The following RIMKLB variants were observed in gnomAD, a reference collection of about 807,000 sequenced individuals.
RIMKLB encodes the protein beta-citrylglutamate synthase B.
A neutral mutation model predicts 32.0 loss-of-function variants in RIMKLB; 7 were observed. The observed-to-expected ratio is 0.22, with a 90% confidence interval of 0.12 to 0.41. The LOEUF is 0.41. Ranked by LOEUF, RIMKLB falls within the 10% of genes least tolerant of loss-of-function variation. The pLI is 1.00. For synonymous variants in RIMKLB, 172 were observed against 185.1 expected (o/e 0.93, Z 0.57); for missense variants, 289 against 498.7 (o/e 0.58, Z 4.00).
At position 8,753,895 on chromosome 12, in the gene RIMKLB, G is replaced by A; in HGVS notation, c.499G>A (p.Ala167Thr). The A allele has an allele frequency of 6.2e-7, 1 of 1,613,470 alleles. No individual in the cohort carries two copies. Among genetic ancestry groups the A allele is most frequent in the Non-Finnish European group, 8.5e-7 (1 of 1,179,458 alleles). ...VKNTRGHRGKAVFLARDKHHL... is the reference protein window; with the variant it reads ...VKNTRGHRGKTVFLARDKHHL... The stretch of plus-strand genomic sequence containing the variant: ...TTTATTCTTTTCAATCATAGGTAAA[G>A]CTGTTTTCTTGGCTCGAGATAAGCA... The change falls in exon 5 of 6, where the codon GCT becomes ACT. Residue 167 changes from alanine (A) to threonine (T), a missense_variant. Ala to Thr is a moderately conservative substitution (Grantham distance 58). Transcript: ENST00000535829.
chr12:8,732,335 A>G (rs569291333), intron 2 of RIMKLB, among the ~76,000 whole-genome samples: 14 of 152,114 alleles, frequency 9.2e-5, no homozygotes, highest in Non-Finnish European at 1.6e-4. Context: ...ATCCTAAGGA[A>G]TCAAATTACT....
At chr12:8,682,163 AAC>A (rs1454838087) in intron 1 of RIMKLB, among the ~76,000 whole-genome samples, 3 of 152,218 alleles carry the variant, frequency 2.0e-5, no homozygotes, top group East Asian at 1.9e-4. Context: ...TGCATTAAAA[AAC>A]ACATAAAATT....
At chr12:8,738,176 G>C (rs766415908) in intron 2 of RIMKLB, among the ~76,000 whole-genome samples, 1 of 152,134 alleles carries the variant, frequency 6.6e-6, no homozygotes, top group Admixed American at 6.5e-5. Context: ...TGAGTAGCTG[G>C]AACTACAGGC....
intron 1 of RIMKLB, 148 bp downstream of exon 1, chr12:8,698,445 G>A (rs759834104): frequency 2.6e-5 from 4 of 154,838 alleles, no homozygotes; most frequent in South Asian, 3.5e-4. Flanking sequence ...CCGGGGTCCG[G>A]GGCTAGTTGA....
At position 8,715,229 on chromosome 12, in the gene RIMKLB, T is replaced by TC. The variant is rs1944722813; in HGVS notation, c.175+1188_175+1189insC. 3.4e-5 allele frequency among the ~76,000 whole-genome samples: 4 copies of TC among 117,734 alleles called. No individual in the cohort carries two copies. In the South Asian group the frequency reaches 9.6e-4, roughly 28 times the overall value. The allele number at this position is 117,734 out of a possible 152,430, so 77.2% of individuals were successfully genotyped here. ...CTTAAATGGATAAGTGCTCTTGTTC[T>TC]TTTTTTTTTTTTTTTTTGGAGACAG... is the stretch of plus-strand genomic sequence containing the variant. On this transcript the variant is annotated intron_variant, in intron 2 of 5. Transcript: ENST00000535829.
upstream of RIMKLB, among the ~76,000 whole-genome samples, chr12:8,694,231 T>C (rs1591606958): frequency 6.6e-6 from 1 of 152,008 alleles, no homozygotes; most frequent in Admixed American, 6.6e-5. Flanking sequence ...AGACTCCGTC[T>C]CAAAAAACAA....
At chr12:8,695,317 T>A (rs1279692512), upstream of RIMKLB, among the ~76,000 whole-genome samples, 6 of 151,862 alleles carry the variant, frequency 4.0e-5, no homozygotes, top group Non-Finnish European at 8.8e-5. Context: ...TTTGAGCAGG[T>A]GTTGCTACCC....
downstream of RIMKLB, among the ~76,000 whole-genome samples, chr12:8,781,930 CTG>C (rs1565443624): frequency 2.0e-5 from 3 of 151,998 alleles, no homozygotes; most frequent in Non-Finnish European, 4.4e-5. Flanking sequence ...ACTATAGTAT[CTG>C]TTGTTTCTGG....
In RIMKLB at chr12:8,753,914, A is replaced by G. The variant is rs765122719; in HGVS notation, c.518A>G (p.Asp173Gly). 1 of 1,613,792 alleles carries G rather than the reference A, an allele frequency of 6.2e-7. No homozygotes were observed. The highest frequency in any genetic ancestry group is 1.3e-5 in the African/African-American group (1 of 74,918). The change falls in exon 5 of 6, where the codon GAT becomes GGT. Residue 173 changes from aspartate (D) to glycine (G), a missense_variant. Transcript: ENST00000535829. ...GGTAAAGCTGTTTTCTTGGCTCGAG[A>G]TAAGCACCATTTGGCTGATCTAAGC... ...HRGKAVFLAR[D>G]KHHLADLSHL...
intron 5 of RIMKLB, among the ~76,000 whole-genome samples, chr12:8,766,525 T>TA: frequency 6.6e-6 from 1 of 152,080 alleles, no homozygotes; most frequent in Non-Finnish European, 1.5e-5. Flanking sequence ...TGAGATAGAG[T>TA]CTTTTTGATT....
In RIMKLB at chr12:8,756,684, CTTTTTTTT is replaced by C. The variant is rs145312687; in HGVS notation, c.697+2609_697+2616del. On this transcript the variant is annotated intron_variant, in intron 5 of 5. Coordinates refer to ENST00000535829, the MANE Select transcript of RIMKLB (RefSeq NM_001297776.2). ...TTGGTTATATTAATTTTACTTTCTACTTTTTTTTTTTTTTTTTTTTTTTTTCTGATGGA... is the reference window on the plus strand; with the variant it reads ...TTGGTTATATTAATTTTACTTTCTACTTTTTTTTTTTTTTTTTCTGATGGA... Among the ~76,000 whole-genome samples the C allele has an allele frequency of 1.9e-4, 17 of 90,986 alleles. 1 individual carries two copies. The East Asian group carries it at 4.5e-3, about 24-fold the overall frequency. The allele number at this position is 90,986 out of a possible 152,430, so 59.7% of individuals were successfully genotyped here.
At chr12:8,746,949 T>C (rs1310909302) in intron 2 of RIMKLB, among the ~76,000 whole-genome samples, 1 of 152,110 alleles carries the variant, frequency 6.6e-6, no homozygotes, top group African/African-American at 2.4e-5. Context: ...TCATGTTGCC[T>C]AGGCTAGTTT....
In RIMKLB at chr12:8,776,752, T is replaced by C. The variant is rs1283772618; in HGVS notation, c.*2968T>C. The C allele has an allele frequency of 1.0e-6, 1 of 985,290 alleles. No homozygotes were observed. Among genetic ancestry groups the C allele is most frequent in the African/African-American group, 1.7e-5 (1 of 57,224 alleles). 61.0% of individuals were successfully genotyped at this position (985,290 alleles called of 1,614,324 possible). A position where few individuals can be genotyped will look rare whatever the true frequency, so the allele number is the denominator to read the frequency against. On this transcript the variant is annotated 3_prime_UTR_variant, in exon 6 of 6. Transcript: ENST00000535829. ...CAATGAACATTGAAATCTTCCTGTA[T>C]ATGTTACCAATAAGAAAACTACCCT... is the stretch of plus-strand genomic sequence containing the variant.
At chr12:8,756,708 T>TTC (rs1491318806) in intron 5 of RIMKLB, among the ~76,000 whole-genome samples, 1 of 103,594 alleles carries the variant, frequency 9.7e-6, no homozygotes, top group African/African-American at 3.5e-5. Context: ...TTTTTTTTTT[T>TTC]TCTGATGGAG....
intron 1 of RIMKLB, among the ~76,000 whole-genome samples, chr12:8,682,347 A>G (rs1228906344): frequency 1.3e-5 from 2 of 152,194 alleles, no homozygotes; most frequent in Admixed American, 6.5e-5. Context: ...ATATTGAACT[A>G]TGCCTGACAG....
intron 5 of RIMKLB, among the ~76,000 whole-genome samples, chr12:8,772,285 A>G (rs1472285579): frequency 6.6e-6 from 1 of 152,088 alleles, no homozygotes; most frequent in African/African-American, 2.4e-5. Context: ...ACTCTCTTTG[A>G]GTTTCTCTAT....
At chr12:8,749,275 A>G (rs914573661) in intron 2 of RIMKLB, among the ~76,000 whole-genome samples, 1 of 147,810 alleles carries the variant, frequency 6.8e-6, no homozygotes, top group Non-Finnish European at 1.5e-5. Flanking sequence ...CAGTGGCACT[A>G]TCTCTGGTCA....
intron 2 of RIMKLB, among the ~76,000 whole-genome samples, chr12:8,732,880 C>G (rs1410575819): frequency 2.0e-5 from 3 of 152,000 alleles, no homozygotes; most frequent in Non-Finnish European, 4.4e-5. Flanking sequence ...GTCAGCCCAG[C>G]CAAAATTCTT....
At chr12:8,730,466 G>A (rs909116729) in intron 2 of RIMKLB, among the ~76,000 whole-genome samples, 2 of 152,178 alleles carry the variant, frequency 1.3e-5, no homozygotes, top group Non-Finnish European at 2.9e-5. Flanking sequence ...ATGGTCCATT[G>A]CATGTCTCCA....
Sources: gnomAD v4.1 joint callset for allele counts (sites outside exome capture counted in the v4.1 genomes callset) on GRCh38, gnomAD v4.1.1 for gene constraint, MANE v1.5 for transcripts, NCBI Gene and HGNC (gene_info 2026-07-23, HGNC 2026-07-21) for gene names.